The following ADAMTSL1 variants were observed in gnomAD, a reference collection of about 807,000 sequenced individuals.
ADAMTSL1 encodes ADAMTS like 1.
ADAMTSL1 carries 126 observed loss-of-function variants against 201.8 expected under a neutral mutation model. The observed-to-expected ratio is 0.62, with a 90% CI of 0.54 to 0.72. The LOEUF (loss-of-function observed/expected upper bound fraction) is 0.72, where lower values mean the gene tolerates loss of function less well. Ranked by LOEUF, ADAMTSL1 falls within the 30% of genes least tolerant of loss-of-function variation. ADAMTSL1 has a pLI of 0.00. For missense variants in ADAMTSL1, 2,679 were observed against 2,277.8 expected (o/e 1.18, Z -3.59); for synonymous variants, 1,121 against 903.4 (o/e 1.24, Z -4.32).
rs56662538 is a variant in ADAMTSL1 at position 18,655,806 on chromosome 9, T to TAAAAAAAAAAAAAAAAAAAAAA, written c.835-1823_835-1802dup. Among the ~76,000 whole-genome samples, 68 of 81,840 alleles carry TAAAAAAAAAAAAAAAAAAAAAA rather than the reference T, an allele frequency of 8.3e-4. 5 individuals carry two copies. Among genetic ancestry groups the TAAAAAAAAAAAAAAAAAAAAAA allele is most frequent in the Middle Eastern group, 7.8e-3 (1 of 128 alleles). The allele number at this position is 81,840 out of a possible 152,430, so 53.7% of individuals were successfully genotyped here. On this transcript the variant is annotated intron_variant, in intron 7 of 28. Coordinates refer to ENST00000380548, the MANE Select transcript of ADAMTSL1 (RefSeq NM_001040272.6). ...AGAGAGCTAGAGGCTTTTGTGAGCT[T>TAAAAAAAAAAAAAAAAAAAAAA]AAAAAAAAAAAAAAAAAAAAAAAAA...
Position 18,474,282 on chromosome 9 carries a change from C to T in ADAMTSL1, c.50C>T (p.Ala17Val). 5 of 1,614,106 alleles carry T rather than the reference C, an allele frequency of 3.1e-6. No homozygotes were observed. Among genetic ancestry groups the T allele is most frequent in the Non-Finnish European group, 4.2e-6 (5 of 1,180,006 alleles). Reference protein sequence around the residue: ...ATPGTLLLFLAFLLLSSRTAR... With the variant: ...ATPGTLLLFLVFLLLSSRTAR... ...CCTGGCACACTGCTCCTCTTTCTGG[C>T]TTTCCTGCTCCTGGTAAATGCCTTT... is the stretch of plus-strand genomic sequence containing the variant. Residue 17 changes from alanine to valine, a missense_variant, in exon 1 of 29, where the codon GCT becomes GTT. By Grantham distance (64) the Ala-to-Val change is moderately conservative. Transcript: ENST00000380548.
intron 2 of ADAMTSL1, among the ~76,000 whole-genome samples, chr9:18,258,990 G>A (rs570508720): frequency 1.3e-5 from 2 of 152,106 alleles, no homozygotes; most frequent in South Asian, 2.1e-4. Flanking sequence ...CGCACTTGAC[G>A]ACTCCCTTCT....
At chr9:18,611,109 C>G (rs1825334460) in intron 4 of ADAMTSL1, among the ~76,000 whole-genome samples, 1 of 152,092 alleles carries the variant, frequency 6.6e-6, no homozygotes, top group African/African-American at 2.4e-5. Context: ...TGTGTTTAAA[C>G]AAAAACTGTG....
chr9:18,325,765 G>C (rs979570848), intron 2 of ADAMTSL1, among the ~76,000 whole-genome samples: 3 of 150,224 alleles, frequency 2.0e-5, no homozygotes, highest in Non-Finnish European at 4.4e-5. Flanking sequence ...TTTTGAAACA[G>C]AGTTTTGCTC....
chr9:18,611,686 A>G (rs187072986), intron 4 of ADAMTSL1, among the ~76,000 whole-genome samples: 49 of 152,274 alleles, frequency 3.2e-4, no homozygotes, highest in African/African-American at 8.4e-4. Context: ...GATGGTTTAG[A>G]TTCTTGACTT....
intron 2 of ADAMTSL1, among the ~76,000 whole-genome samples, chr9:18,317,350 G>T (rs879090321): frequency 1.3e-5 from 2 of 151,046 alleles, no homozygotes; most frequent in Non-Finnish European, 2.9e-5. Context: ...ATACTGTATG[G>T]TTTACTTGAA....
At chr9:18,030,164 T>G (rs954344769) in intron 1 of ADAMTSL1, among the ~76,000 whole-genome samples, 1 of 152,202 alleles carries the variant, frequency 6.6e-6, no homozygotes, top group Non-Finnish European at 1.5e-5. Context: ...CCAACAATGA[T>G]AGACCGGATT....
intron 2 of ADAMTSL1, among the ~76,000 whole-genome samples, chr9:18,227,460 G>T (rs374329193): frequency 1.8e-4 from 27 of 152,012 alleles, no homozygotes; most frequent in African/African-American, 6.0e-4. Flanking sequence ...ATAAACTCAC[G>T]GCAAGGTAGT....
chr9:18,258,333 C>T (rs979873760), intron 2 of ADAMTSL1, among the ~76,000 whole-genome samples: 5 of 151,940 alleles, frequency 3.3e-5, no homozygotes, highest in South Asian at 2.1e-4. Context: ...ATGAGGTAAA[C>T]GAGGAATTAT....
At chr9:18,791,943 G>C (rs553867471) in intron 19 of ADAMTSL1, among the ~76,000 whole-genome samples, 1 of 152,128 alleles carries the variant, frequency 6.6e-6, no homozygotes, top group East Asian at 1.9e-4. Flanking sequence ...TGGGCAGAAA[G>C]CATGGTGGCT....
chr9:18,031,455 G>T (rs1820952511), intron 1 of ADAMTSL1, among the ~76,000 whole-genome samples: 1 of 152,070 alleles, frequency 6.6e-6, no homozygotes, highest in Non-Finnish European at 1.5e-5. Flanking sequence ...TTCCTGCATT[G>T]GGTTTTACAG....
chr9:18,381,648 T>C (rs998996533), intron 2 of ADAMTSL1, among the ~76,000 whole-genome samples: 1 of 152,050 alleles, frequency 6.6e-6, no homozygotes, highest in African/African-American at 2.4e-5. Context: ...GTTCCTTTAA[T>C]GAAATGCGTG....
At chr9:18,029,548 G>A (rs948445673) in intron 1 of ADAMTSL1, among the ~76,000 whole-genome samples, 3 of 152,058 alleles carry the variant, frequency 2.0e-5, no homozygotes, top group Non-Finnish European at 4.4e-5. Context: ...TTGACAAATG[G>A]GATCTCATTA....
chr9:18,156,171 G>A (rs988096979), intron 1 of ADAMTSL1, among the ~76,000 whole-genome samples: 4 of 152,032 alleles, frequency 2.6e-5, no homozygotes, highest in South Asian at 2.1e-4. Flanking sequence ...AACAGCCCTC[G>A]GAAATCATGG....
At chr9:18,454,992 A>C (rs1351585563) in intron 2 of ADAMTSL1, among the ~76,000 whole-genome samples, 1 of 151,884 alleles carries the variant, frequency 6.6e-6, no homozygotes, top group East Asian at 1.9e-4. Flanking sequence ...ATTCTTCCCC[A>C]CCCCCACCTT....
chr9:18,079,028 A>G (rs1012507696), intron 1 of ADAMTSL1, among the ~76,000 whole-genome samples: 14 of 151,634 alleles, frequency 9.2e-5, no homozygotes, highest in African/African-American at 3.4e-4. Context: ...TATCTGTGGA[A>G]CCTCCATCCA....
In ADAMTSL1 at chr9:18,680,456, C is replaced by G; in HGVS notation, c.1281C>G (p.Pro427=). 1 of 1,614,184 alleles carries G rather than the reference C, an allele frequency of 6.2e-7. No individual in the cohort carries two copies. The highest frequency in any genetic ancestry group is 8.5e-7 in the Non-Finnish European group (1 of 1,180,040). ...AATGCATGTACACCCCTAAGATGCCCATCGCGCAGCCCTGCAACATTTTTG... is the reference window on the plus strand; with the variant it reads ...AATGCATGTACACCCCTAAGATGCCGATCGCGCAGCCCTGCAACATTTTTG... The part of the protein sequence containing the change: ...EWKCMYTPKM[P]IAQPCNIFDC... The change falls in exon 11 of 29, where the codon CCC becomes CCG. Residue 427 remains proline, a synonymous_variant. Coordinates refer to ENST00000380548, the MANE Select transcript of ADAMTSL1 (RefSeq NM_001040272.6).
intron 2 of ADAMTSL1, among the ~76,000 whole-genome samples, chr9:18,449,911 G>C (rs1360109846): frequency 1.3e-5 from 2 of 152,180 alleles, no homozygotes; most frequent in East Asian, 3.8e-4. Context: ...AAAACTCTCT[G>C]ACATGGCAGT....
intron 2 of ADAMTSL1, among the ~76,000 whole-genome samples, chr9:18,526,967 C>A (rs1333032348): frequency 3.3e-5 from 5 of 152,098 alleles, no homozygotes; most frequent in African/African-American, 7.2e-5. Context: ...TCATAGATTT[C>A]TTTGGATGAC....
Sources: allele counts gnomAD v4.1 joint callset (sites outside exome capture counted in the v4.1 genomes callset), GRCh38; gene constraint gnomAD v4.1.1; transcripts MANE v1.5; gene names NCBI Gene and HGNC (gene_info 2026-07-23, HGNC 2026-07-21).